The following KCNJ6 variants were observed in gnomAD, a reference collection of about 807,000 sequenced individuals.
KCNJ6 encodes the protein potassium inwardly rectifying channel subfamily J member 6.
KCNJ6 carries 9 observed loss-of-function variants against 34.2 expected under a neutral mutation model. That is an observed-to-expected ratio of 0.26 (90% CI 0.16 to 0.46). KCNJ6 has a LOEUF of 0.46. Ranked by LOEUF, KCNJ6 falls within the 20% of genes least tolerant of loss-of-function variation. The probability of loss-of-function intolerance (pLI) is 1.00; values close to 1 mark genes in which losing one functional copy is unlikely to be tolerated. For missense variants in KCNJ6, 236 were observed against 531.3 expected (o/e 0.44, Z 5.46); for synonymous variants, 196 against 207.1 (o/e 0.95, Z 0.46).
intron 3 of KCNJ6, among the ~76,000 whole-genome samples, chr21:37,683,671 G>A (rs747065443): frequency 3.3e-5 from 5 of 152,220 alleles, no homozygotes; most frequent in Non-Finnish European, 5.9e-5. Context: ...CAGGGAGGTA[G>A]AAAGGAAGAC....
chr21:37,841,634 A>G (rs947252046), intron 1 of KCNJ6, among the ~76,000 whole-genome samples: 1 of 152,248 alleles, frequency 6.6e-6, no homozygotes, highest in Non-Finnish European at 1.5e-5. Flanking sequence ...AGATATGGGA[A>G]TATGATCCTA....
Position 37,661,620 on chromosome 21 carries a change from T to TTTTTTTTTTTTTG in KCNJ6, c.947-36137_947-36136insCAAAAAAAAAAAA, listed in dbSNP as rs1223763388. ...CATTTCCTTAAGAGACATAGTTTTT[T>TTTTTTTTTTTTTG]TTTTTTTTTTTTTTTTTTTTGAGAC... On this transcript the variant is annotated intron_variant, in intron 3 of 3. Transcript: ENST00000609713. Among the ~76,000 whole-genome samples the TTTTTTTTTTTTTG allele has an allele frequency of 5.1e-4, 62 of 121,108 alleles. 6 individuals carry two copies. The highest frequency in any genetic ancestry group is 9.1e-4 in the Non-Finnish European group (53 of 57,994). The allele number at this position is 121,108 out of a possible 152,430, so 79.5% of individuals were successfully genotyped here. A position where few individuals can be genotyped will look rare whatever the true frequency, so the allele number is the denominator to read the frequency against.
At chr21:37,711,541 C>T (rs1431345470) in intron 3 of KCNJ6, among the ~76,000 whole-genome samples, 1 of 152,212 alleles carries the variant, frequency 6.6e-6, no homozygotes, top group African/African-American at 2.4e-5. Context: ...TAATTAGATC[C>T]CTGTGAATTT....
At chr21:37,884,132 G>A (rs993304577) in intron 1 of KCNJ6, among the ~76,000 whole-genome samples, 19 of 152,272 alleles carry the variant, frequency 1.2e-4, no homozygotes, top group African/African-American at 4.3e-4. Flanking sequence ...CTTTCTACTC[G>A]GGGAACTGCA....
At chr21:37,700,481 G>T (rs1353515565) in intron 3 of KCNJ6, among the ~76,000 whole-genome samples, 2 of 152,192 alleles carry the variant, frequency 1.3e-5, no homozygotes, top group African/African-American at 2.4e-5. Flanking sequence ...CTCCTCAGAA[G>T]CTATTGAGAA....
intron 2 of KCNJ6, among the ~76,000 whole-genome samples, chr21:37,755,755 C>T (rs1378934113): frequency 6.6e-6 from 1 of 152,160 alleles, no homozygotes; most frequent in Non-Finnish European, 1.5e-5. Context: ...TACCATGGGC[C>T]AGCCTCCGGG....
At chr21:37,759,853 T>C (rs182458078) in intron 2 of KCNJ6, among the ~76,000 whole-genome samples, 1 of 152,326 alleles carries the variant, frequency 6.6e-6, no homozygotes, top group Non-Finnish European at 1.5e-5. Context: ...GATGAGAACA[T>C]GGCAGAAGAG....
intron 3 of KCNJ6, among the ~76,000 whole-genome samples, chr21:37,693,708 C>T (rs1029984429): frequency 6.6e-6 from 1 of 152,172 alleles, no homozygotes; most frequent in African/African-American, 2.4e-5. Flanking sequence ...TCCCCAGGCC[C>T]ACAGACAAAT....
intron 1 of KCNJ6, among the ~76,000 whole-genome samples, chr21:37,849,688 A>G (rs1037049795): frequency 1.3e-5 from 2 of 152,036 alleles, no homozygotes; most frequent in African/African-American, 4.8e-5. Context: ...AACACATTGC[A>G]TTGCTTCATC....
chr21:37,761,402 ATATT>A lies in KCNJ6; in HGVS notation c.26-46275_26-46272del, dbSNP rs545454203. ...TGTGTGTTGTATGTAGTGTGTGTGT[ATATT>A]TGTGTATGTGGTGTGTGTGTTGTGT... On this transcript the variant is annotated intron_variant, in intron 2 of 3. Coordinates refer to ENST00000609713, the MANE Select transcript of KCNJ6 (RefSeq NM_002240.5). Among the ~76,000 whole-genome samples the A allele has an allele frequency of 3.8e-3, 527 of 138,274 alleles. 1 individual carries two copies. Among genetic ancestry groups the A allele is most frequent in the Middle Eastern group, 0.01 (2 of 192 alleles). 90.7% of individuals were successfully genotyped at this position (138,274 alleles called of 152,430 possible).
intron 2 of KCNJ6, among the ~76,000 whole-genome samples, chr21:37,760,126 T>A (rs116330641): frequency 6.6e-6 from 1 of 152,180 alleles, no homozygotes; most frequent in African/African-American, 2.4e-5. Context: ...CAACATCAGA[T>A]GGAACCTACA....
intron 2 of KCNJ6, among the ~76,000 whole-genome samples, chr21:37,785,803 G>A (rs1320193496): frequency 6.6e-6 from 1 of 152,226 alleles, no homozygotes; most frequent in African/African-American, 2.4e-5. Context: ...CTAGGAGGTA[G>A]AGCCAGAGAT....
At chr21:37,670,056 G>C (rs932986810) in intron 3 of KCNJ6, among the ~76,000 whole-genome samples, 4 of 152,162 alleles carry the variant, frequency 2.6e-5, no homozygotes, top group African/African-American at 9.7e-5. Flanking sequence ...GTATGAGGTA[G>C]AGTTTCAACT....
chr21:37,880,097 A>C (rs55941925), intron 1 of KCNJ6, among the ~76,000 whole-genome samples: 43,594 of 120,990 alleles, frequency 0.36, 8,083 homozygotes, highest in African/African-American at 0.58. Flanking sequence ...GGCTCTAAAA[A>C]TACAAAAAAA....
chr21:37,682,301 G>A (rs1432119627), intron 3 of KCNJ6, among the ~76,000 whole-genome samples: 4 of 152,204 alleles, frequency 2.6e-5, no homozygotes, highest in Non-Finnish European at 5.9e-5. Context: ...TCAGGGAGTA[G>A]TGTTAGCACG....
chr21:37,875,810 C>A (rs1329841257), intron 1 of KCNJ6, among the ~76,000 whole-genome samples: 1 of 152,196 alleles, frequency 6.6e-6, no homozygotes, highest in Non-Finnish European at 1.5e-5. Context: ...TGTTTCCATA[C>A]AAGGAACACC....
chr21:37,783,441 A>C (rs2055178983), intron 2 of KCNJ6, among the ~76,000 whole-genome samples: 1 of 152,090 alleles, frequency 6.6e-6, no homozygotes. Flanking sequence ...CCACTTTTGC[A>C]TCTTCCTCAT....
intron 2 of KCNJ6, among the ~76,000 whole-genome samples, chr21:37,728,464 A>C (rs1440522192): frequency 6.6e-6 from 1 of 152,218 alleles, no homozygotes; most frequent in Non-Finnish European, 1.5e-5. Context: ...TTTTACCACA[A>C]TGAAAAGGAG....
intron 3 of KCNJ6, among the ~76,000 whole-genome samples, chr21:37,693,493 G>A (rs577810488): frequency 1.2e-3 from 181 of 148,048 alleles, no homozygotes; most frequent in Admixed American, 2.1e-3. Context: ...GGGACAAGCC[G>A]GGAGAGAAGC....
Sources: gnomAD v4.1 joint callset for allele counts (sites outside exome capture counted in the v4.1 genomes callset) on GRCh38, gnomAD v4.1.1 for gene constraint, MANE v1.5 for transcripts, NCBI Gene and HGNC (gene_info 2026-07-23, HGNC 2026-07-21) for gene names.